PYGB: variants seen among roughly 807,000 people sequenced by gnomAD.
The protein encoded by PYGB is glycogen phosphorylase, brain form.
PYGB carries 82 observed loss-of-function variants against 94.3 expected under a neutral mutation model. The ratio of observed to expected loss-of-function variants is 0.87; its 90% CI spans 0.73 to 1.04. The LOEUF is 1.04. PYGB is among the 50% of genes least tolerant of loss of function. The pLI is 0.00. For synonymous variants in PYGB, 488 were observed against 479.1 expected (o/e 1.02, Z -0.24); for missense variants, 1,132 against 1,158.2 (o/e 0.98, Z 0.33).
chr20:25,296,794 G>T lies in PYGB; in HGVS notation c.*272G>T, dbSNP rs1043284902. ...GCAGCTTCAGCACCTGCCCCACCCAGAGTGGGAGTCAGGTGGAGCCACCTG... is the reference window on the plus strand; with the variant it reads ...GCAGCTTCAGCACCTGCCCCACCCATAGTGGGAGTCAGGTGGAGCCACCTG... On this transcript the variant is annotated 3_prime_UTR_variant, in exon 20 of 20. Transcript: ENST00000216962. 1 of 453,166 alleles carries T rather than the reference G, an allele frequency of 2.2e-6. No homozygotes were observed. The highest frequency in any genetic ancestry group is 3.9e-6 in the Non-Finnish European group (1 of 253,468). 28.1% of individuals were successfully genotyped at this position (453,166 alleles called of 1,614,324 possible). A position where few individuals can be genotyped will look rare whatever the true frequency, so the allele number is the denominator to read the frequency against.
intron 17 of PYGB, among the ~76,000 whole-genome samples, chr20:25,293,655 G>A (rs1480697961): frequency 6.6e-6 from 1 of 152,176 alleles, no homozygotes; most frequent in Non-Finnish European, 1.5e-5. Context: ...CCCGGGCCCC[G>A]TCCTGGGATG....
At chr20:25,266,729 A>G (rs1325609168) in intron 2 of PYGB, among the ~76,000 whole-genome samples, 2 of 152,256 alleles carry the variant, frequency 1.3e-5, no homozygotes, top group East Asian at 3.8e-4. Flanking sequence ...ATGTTTCTCC[A>G]AAGATGATAT....
intron 2 of PYGB, 80 bp downstream of exon 2, chr20:25,259,418 G>A (rs765727504): frequency 1.6e-5 from 18 of 1,136,178 alleles, no homozygotes; most frequent in Non-Finnish European, 2.3e-5. Flanking sequence ...ACAGAGGTGA[G>A]CCCTGATGTT....
rs1473897403 is a variant in PYGB, at chr20:25,248,096, G to A, written c.-83G>A. 1.5e-6 allele frequency: 2 copies of A among 1,362,122 alleles called. No homozygotes were observed. Among genetic ancestry groups the A allele is most frequent in the African/African-American group, 1.8e-5 (1 of 55,238 alleles). The allele number at this position is 1,362,122 out of a possible 1,614,324, so 84.4% of individuals were successfully genotyped here. ...CAGTGCCGGGCGCCAGAGCAGCGGC[G>A]CCAGAGCAGCTGCACCATCCCGGCG... On this transcript the variant is annotated 5_prime_UTR_variant, in exon 1 of 20. Coordinates refer to ENST00000216962, the MANE Select transcript of PYGB (RefSeq NM_002862.4).
chr20:25,294,339 G>T, intron 18 of PYGB, 47 bp downstream of exon 18: 1 of 1,350,238 alleles, frequency 7.4e-7, no homozygotes, highest in Non-Finnish European at 1.0e-6. Context: ...AGGGAGGGAG[G>T]GAGGGGTCCT....
Position 25,292,535 on chromosome 20 carries a change from TGGCCGAGGAGGCCGG to T in PYGB, c.2107_2121del (p.Glu703_Glu707del), listed in dbSNP as rs1488026141. 5.6e-6 allele frequency: 9 copies of T among 1,613,422 alleles called. No homozygotes were observed. The highest frequency in any genetic ancestry group is 1.1e-5 in the South Asian group (1 of 91,094). On this transcript the variant is annotated inframe_deletion, in exon 17 of 20. Transcript: ENST00000216962. ...ACCATGGACGGCGCCAACGTGGAGA[TGGCCGAGGAGGCCGG>T]GGCCGAGAACCTCTTCATCTTCGGC...
chr20:25,296,294 A>G lies in PYGB; in HGVS notation c.2380-76A>G, dbSNP rs923035673. On this transcript the variant is annotated intron_variant, in intron 19 of 19. Transcript: ENST00000216962. ...CGGAGCTCATTTGGAAACAGTCCTA[A>G]AGTTCTGGAATCCCATGTTTTTAGC... 4.9e-5 allele frequency: 76 copies of G among 1,560,088 alleles called. No individual in the cohort carries two copies. In the South Asian group the frequency reaches 7.2e-4, roughly 15 times the overall value.
At chr20:25,296,269 C>T (rs976963158) in intron 19 of PYGB, 101 bp from the exon 20 acceptor site, 18 of 1,439,856 alleles carry the variant, frequency 1.3e-5, no homozygotes, top group African/African-American at 5.6e-5. Context: ...CCCCAAGGCT[C>T]GGAGCTCATT....
intron 13 of PYGB, 70 bp downstream of exon 13, chr20:25,283,347 G>A (rs561181158): frequency 1.4e-6 from 2 of 1,390,544 alleles, no homozygotes; most frequent in East Asian, 4.7e-5. Context: ...CCTGGCCCTA[G>A]CCCTCCTACA....
At chr20:25,282,608 A>G (rs922512730) in intron 12 of PYGB, among the ~76,000 whole-genome samples, 1 of 152,224 alleles carries the variant, frequency 6.6e-6, no homozygotes, top group African/African-American at 2.4e-5. Flanking sequence ...CTTCCCAGGA[A>G]AGCTGAGGTC....
rs6037077 is a variant in PYGB at position 25,274,647 on chromosome 20, C to T, written c.584C>T (p.Pro195Leu). ...RYGNPWEKAR[P>L]EYMLPVHFYG... is the part of the protein sequence containing the mutation. ...GGCAACCCCTGGGAGAAAGCGCGGCCTGAGTATATGCTTCCCGTGCACTTC... is the reference window on the plus strand; with the variant it reads ...GGCAACCCCTGGGAGAAAGCGCGGCTTGAGTATATGCTTCCCGTGCACTTC... The change falls in exon 5 of 20, where the codon CCT (proline) becomes CTT (leucine). Residue 195 changes from proline (P) to leucine (L), a missense_variant. Pro to Leu is a moderately conservative substitution (Grantham distance 98). Coordinates refer to ENST00000216962, the MANE Select transcript of PYGB (RefSeq NM_002862.4). 6.2e-7 allele frequency: 1 copy of T among 1,613,882 alleles called. No individual in the cohort carries two copies. Among genetic ancestry groups the T allele is most frequent in the South Asian group, 1.1e-5 (1 of 91,088 alleles).
At chr20:25,294,405 C>T (rs773319061) in intron 18 of PYGB, 113 bp downstream of exon 18, 26 of 1,328,866 alleles carry the variant, frequency 2.0e-5, no homozygotes, top group East Asian at 2.4e-5. Flanking sequence ...GCTTTCAGGA[C>T]GTCTTCTCCA....
chr20:25,248,107 T>C lies in PYGB; in HGVS notation c.-72T>C, dbSNP rs200111507. On this transcript the variant is annotated 5_prime_UTR_variant, in exon 1 of 20. Coordinates refer to ENST00000216962, the MANE Select transcript of PYGB (RefSeq NM_002862.4). Reference sequence around the variant, plus strand: ...GCCAGAGCAGCGGCGCCAGAGCAGCTGCACCATCCCGGCGTTCGCGTGTGC... The same window carrying C: ...GCCAGAGCAGCGGCGCCAGAGCAGCCGCACCATCCCGGCGTTCGCGTGTGC... 9.3e-4 allele frequency: 1,339 copies of C among 1,438,876 alleles called. 1 individual carries two copies. The highest frequency in any genetic ancestry group is 1.1e-3 in the Non-Finnish European group (1,255 of 1,097,470). 89.1% of individuals were successfully genotyped at this position (1,438,876 alleles called of 1,614,324 possible). A position where few individuals can be genotyped will look rare whatever the true frequency, so the allele number is the denominator to read the frequency against.
Position 25,282,126 on chromosome 20 carries a change from G to T in PYGB, c.1497G>T (p.Gly499=). Residue 499 remains glycine, a synonymous_variant, in exon 12 of 20, where the codon GGG becomes GGT. Transcript: ENST00000216962. ...GGTGGCTGCTGCTGTGCAACCCGGG[G>T]CTGGCCGATACCATCGTGGAGGTGA... ...PRRWLLLCNP[G]LADTIVEKIG... is the part of the protein sequence containing the mutation. 6.2e-7 allele frequency: 1 copy of T among 1,613,164 alleles called. No homozygotes were observed. Among genetic ancestry groups the T allele is most frequent in the Middle Eastern group, 1.8e-4 (1 of 5,702 alleles).
intron 17 of PYGB, 143 bp downstream of exon 17, chr20:25,292,756 C>T (rs1310345730): frequency 1.1e-5 from 12 of 1,139,120 alleles, no homozygotes; most frequent in African/African-American, 1.6e-5. Flanking sequence ...GTGTGCCTGC[C>T]TGCAGGGGTG....
intron 10 of PYGB, 82 bp from the exon 11 acceptor site, chr20:25,280,867 G>T (rs983319810): frequency 1.3e-6 from 2 of 1,509,354 alleles, no homozygotes; most frequent in African/African-American, 2.7e-5. Context: ...GGTGGTCATG[G>T]AGTGTCCCCT....
chr20:25,284,073 C>G (rs201593407), intron 13 of PYGB, 31 bp from the exon 14 acceptor site: 73 of 1,609,504 alleles, frequency 4.5e-5, no homozygotes, highest in Non-Finnish European at 5.6e-5. Context: ...CTGGTGAAGT[C>G]TCCAGCCATC....
At chr20:25,256,518 A>G (rs570483632) in intron 1 of PYGB, among the ~76,000 whole-genome samples, 1 of 152,248 alleles carries the variant, frequency 6.6e-6, no homozygotes, top group Non-Finnish European at 1.5e-5. Context: ...ACAAAAACAA[A>G]AACAAAAAAC....
At chr20:25,276,606 C>A in intron 5 of PYGB, 40 bp from the exon 6 acceptor site, 1 of 1,557,734 alleles carries the variant, frequency 6.4e-7, no homozygotes, top group South Asian at 1.1e-5. Flanking sequence ...CCGGCGGGGG[C>A]CCTTGCCACT....
Sources: gnomAD v4.1 joint callset for allele counts (sites outside exome capture counted in the v4.1 genomes callset) on GRCh38, gnomAD v4.1.1 for gene constraint, MANE v1.5 for transcripts, NCBI Gene and HGNC (gene_info 2026-07-23, HGNC 2026-07-21) for gene names.